Variants in KIAA1217 observed in about 807,000 individuals in gnomAD.
KIAA1217 encodes KIAA1217.
KIAA1217 carries 88 observed loss-of-function variants against 163.9 expected under a neutral mutation model. The observed-to-expected ratio is 0.54, with a 90% confidence interval of 0.45 to 0.64. The LOEUF (loss-of-function observed/expected upper bound fraction) is 0.64. Ranked by LOEUF, KIAA1217 falls within the 30% of genes least tolerant of loss-of-function variation. KIAA1217 has a pLI of 0.00. For synonymous variants in KIAA1217, 903 were observed against 923.1 expected, an observed-to-expected ratio of 0.98 and a Z score of 0.39; for missense variants, 2,372 against 2,475.0, an observed-to-expected ratio of 0.96 and a Z score of 0.88.
rs564608147 is a variant in KIAA1217, at chr10:24,018,992, A to G, written c.-171+11618A>G. 3.3e-5 allele frequency among the ~76,000 whole-genome samples: 5 copies of G among 152,252 alleles called. No individual in the cohort carries two copies. In the South Asian group the frequency reaches 1.0e-3, roughly 31 times the overall value. On this transcript the variant is annotated intron_variant, in intron 2 of 18. Transcript: ENST00000376462. ...TATGCTCTCAATTATGTGAAATCTA[A>G]AAAAATTGAACTCATAGAAGCAGAG...
intron 1 of KIAA1217, among the ~76,000 whole-genome samples, chr10:23,850,683 T>C (rs992150130): frequency 6.6e-6 from 1 of 152,106 alleles, no homozygotes; most frequent in Non-Finnish European, 1.5e-5. Context: ...CCTGTATTAG[T>C]CTGTTCTCAC....
In KIAA1217 at chr10:24,524,743, G is replaced by A. The variant is rs755550287; in HGVS notation, c.2877G>A (p.Lys959=). Residue 959 remains lysine, a synonymous_variant, in exon 13 of 21, where the codon AAG becomes AAA. Transcript: ENST00000376454. The stretch of plus-strand genomic sequence containing the variant: ...AAGAAATCCACAGTGTGAGTGCCAA[G>A]AACAGGGCAGTGTCTATCGAGGTAG... ...FIEEIHSVSA[K]NRAVSIEKAE... The A allele has an allele frequency of 6.2e-7, 1 of 1,601,100 alleles. No individual in the cohort carries two copies.
intron 5 of KIAA1217, 40 bp downstream of exon 5, chr10:24,438,519 T>A (rs2060240736): frequency 7.4e-7 from 1 of 1,350,388 alleles, no homozygotes; most frequent in Admixed American, 1.7e-5. Context: ...CTTCAGTGGG[T>A]CAAAGCGTCC....
At chr10:24,052,092 A>C (rs1849557524) in intron 2 of KIAA1217, among the ~76,000 whole-genome samples, 1 of 151,942 alleles carries the variant, frequency 6.6e-6, no homozygotes, top group Admixed American at 6.6e-5. Flanking sequence ...TGCTACCTGC[A>C]CTCCTATTTT....
At chr10:23,792,524 C>T (rs1836002497) in intron 1 of KIAA1217, among the ~76,000 whole-genome samples, 2 of 151,602 alleles carry the variant, frequency 1.3e-5, no homozygotes, top group South Asian at 4.2e-4. Flanking sequence ...TGGAGTCTCG[C>T]TCTGTCATCC....
chr10:23,709,143 C>T (rs1837071025), intron 1 of KIAA1217, among the ~76,000 whole-genome samples: 1 of 152,138 alleles, frequency 6.6e-6, no homozygotes, highest in Non-Finnish European at 1.5e-5. Context: ...CTGGCCGTTG[C>T]CCCACCAGCC....
chr10:23,900,398 T>C (rs1841908616), intron 1 of KIAA1217, among the ~76,000 whole-genome samples: 1 of 152,082 alleles, frequency 6.6e-6, no homozygotes, highest in African/African-American at 2.4e-5. Flanking sequence ...TTCCAGGGAA[T>C]GTTTTGGATA....
At chr10:24,071,118 A>G (rs536734993) in intron 2 of KIAA1217, among the ~76,000 whole-genome samples, 1 of 152,306 alleles carries the variant, frequency 6.6e-6, no homozygotes, top group East Asian at 1.9e-4. Context: ...TTAATTGATA[A>G]TTCCCAATTA....
chr10:24,085,409 T>A (rs554816428), intron 2 of KIAA1217, among the ~76,000 whole-genome samples: 1 of 152,264 alleles, frequency 6.6e-6, no homozygotes, highest in South Asian at 2.1e-4. Context: ...AAACTGAGAA[T>A]TGTTCAGGAG....
chr10:24,066,196 T>A, intron 2 of KIAA1217, among the ~76,000 whole-genome samples: 1 of 152,210 alleles, frequency 6.6e-6, no homozygotes, highest in East Asian at 1.9e-4. Flanking sequence ...TGATGTTAGC[T>A]GGTTATTTTG....
intron 1 of KIAA1217, among the ~76,000 whole-genome samples, chr10:23,992,105 A>G (rs1846242871): frequency 6.6e-6 from 1 of 152,172 alleles, no homozygotes; most frequent in African/African-American, 2.4e-5. Context: ...GTAACACCAT[A>G]AAAGAATACT....
rs763412459 is a variant in KIAA1217 at position 24,501,554 on chromosome 10, C to T, written c.2001+9C>T. ...AGATGCGGCAGCTCCAGGTATTCCT[C>T]ATGCACGGCGGCCTCTGTCTCGGTT... On this transcript the variant is annotated intron_variant, in intron 9 of 20. Coordinates refer to ENST00000376454, the MANE Select transcript of KIAA1217 (RefSeq NM_019590.5). The T allele has an allele frequency of 6.2e-7, 1 of 1,609,904 alleles. No homozygotes were observed. The highest frequency in any genetic ancestry group is 2.2e-5 in the East Asian group (1 of 44,770).
rs139114938 is a variant in KIAA1217, at chr10:24,220,237, G to A, written c.354+328G>A. Among the ~76,000 whole-genome samples, 11 of 152,272 alleles carry A rather than the reference G, an allele frequency of 7.2e-5. No individual in the cohort carries two copies. In the East Asian group the frequency reaches 1.9e-3, roughly 27 times the overall value. ...ACACATCTAAAGTGCAGGGAATGAA[G>A]GGGTATTATCTACTGAGGAAAGCAT... On this transcript the variant is annotated intron_variant, in intron 2 of 20. Transcript: ENST00000376454.
At chr10:24,380,593 T>C (rs558966105) in intron 2 of KIAA1217, among the ~76,000 whole-genome samples, 1 of 150,598 alleles carries the variant, frequency 6.6e-6, no homozygotes, top group South Asian at 2.1e-4. Flanking sequence ...AGTGAGCCGA[T>C]CTCACACCAC....
At chr10:24,447,150 C>G (rs1199086904) in intron 5 of KIAA1217, among the ~76,000 whole-genome samples, 1 of 152,116 alleles carries the variant, frequency 6.6e-6, no homozygotes, top group African/African-American at 2.4e-5. Flanking sequence ...CTCCCCTTTT[C>G]CTGACTGCAC....
chr10:24,481,575 G>A (rs975672480), intron 6 of KIAA1217: 1 of 152,150 alleles, frequency 6.6e-6, no homozygotes, highest in Non-Finnish European at 1.5e-5. Flanking sequence ...AATGAGGAAC[G>A]ACGACAGGAC....
chr10:24,298,274 CTTAT>C (rs2040858922), intron 2 of KIAA1217, among the ~76,000 whole-genome samples: 1 of 150,454 alleles, frequency 6.6e-6, no homozygotes, highest in Admixed American at 6.6e-5. Flanking sequence ...TGAAATGTTC[CTTAT>C]TTGTTTAGAA....
At chr10:23,720,630 A>C (rs61405733) in intron 1 of KIAA1217, among the ~76,000 whole-genome samples, 3,709 of 152,268 alleles carry the variant, frequency 0.024, 168 homozygotes, top group African/African-American at 0.084. Context: ...GGTCATGGGA[A>C]TCCAACAATT....
At chr10:24,066,964 T>A (rs1337993629) in intron 2 of KIAA1217, among the ~76,000 whole-genome samples, 5 of 152,256 alleles carry the variant, frequency 3.3e-5, no homozygotes, top group Admixed American at 1.3e-4. Flanking sequence ...ATTCGTCACG[T>A]AGTTCTCATG....
Sources: allele counts gnomAD v4.1 joint callset (sites outside exome capture counted in the v4.1 genomes callset), GRCh38; gene constraint gnomAD v4.1.1; transcripts MANE v1.5; gene names NCBI Gene and HGNC (gene_info 2026-07-23, HGNC 2026-07-21).